The following THOC7 variants were observed in gnomAD, a reference collection of about 807,000 sequenced individuals.
THOC7 encodes THO complex subunit 7.
Under a neutral mutation model 33.1 loss-of-function variants are expected in THOC7, and 22 were observed. The ratio of observed to expected loss-of-function variants is 0.66; its 90% CI spans 0.47 to 0.95. THOC7 has a LOEUF of 0.95. Among genes scored for constraint, THOC7 ranks in the 40% least tolerant of loss-of-function variants. THOC7 has a pLI of 0.00. For synonymous variants in THOC7, 77 were observed against 76.8 expected (o/e 1.00, Z -0.01); for missense variants, 184 against 245.3 (o/e 0.75, Z 1.67).
chr3:63,859,458 G>A (rs1364316480), intron 1 of THOC7, among the ~76,000 whole-genome samples: 1 of 152,158 alleles, frequency 6.6e-6, no homozygotes, highest in Admixed American at 6.5e-5. Flanking sequence ...CCTCTAAAGG[G>A]TGCAGAGCTT....
At chr3:63,844,304 T>C (rs1266951516) in intron 1 of THOC7, among the ~76,000 whole-genome samples, 2 of 152,230 alleles carry the variant, frequency 1.3e-5, no homozygotes, top group East Asian at 1.9e-4. Flanking sequence ...AAGGTGACTA[T>C]AGTTAATGAT....
chr3:63,843,870 C>T (rs1701825676), intron 1 of THOC7, among the ~76,000 whole-genome samples: 1 of 151,492 alleles, frequency 6.6e-6, no homozygotes. Flanking sequence ...CACTGCACTC[C>T]AGCCTGGGCG....
intron 1 of THOC7, among the ~76,000 whole-genome samples, chr3:63,846,411 A>T (rs911813780): frequency 6.6e-6 from 1 of 151,902 alleles, no homozygotes; most frequent in Non-Finnish European, 1.5e-5. Flanking sequence ...TTATTTAAAA[A>T]TTTTTATTTT....
chr3:63,846,232 T>G (rs1245812287), intron 1 of THOC7: 1 of 451,090 alleles, frequency 2.2e-6, no homozygotes, highest in South Asian at 1.6e-5. Flanking sequence ...AAAAAGCAGT[T>G]AAACAGTTTC....
chr3:63,847,086 G>A (rs986179808), intron 1 of THOC7, among the ~76,000 whole-genome samples: 1 of 152,046 alleles, frequency 6.6e-6, no homozygotes, highest in East Asian at 1.9e-4. Flanking sequence ...TTGCGTAGGC[G>A]AATAGGAAGT....
chr3:63,836,272 T>G, intron 5 of THOC7, 29 bp downstream of exon 5: 1 of 1,605,422 alleles, frequency 6.2e-7, no homozygotes, highest in Non-Finnish European at 8.5e-7. Context: ...TAAAGGTTAG[T>G]TCCTTTCAAA....
intron 1 of THOC7, among the ~76,000 whole-genome samples, chr3:63,843,856 A>G (rs1055308949): frequency 2.6e-5 from 4 of 152,066 alleles, no homozygotes; most frequent in African/African-American, 7.2e-5. Context: ...AACCGAGATC[A>G]CGCCACTGCA....
At chr3:63,855,710 T>C (rs1489282142) in intron 1 of THOC7, among the ~76,000 whole-genome samples, 1 of 152,240 alleles carries the variant, frequency 6.6e-6, no homozygotes, top group African/African-American at 2.4e-5. Context: ...ATCATTGTTA[T>C]GTAACTCCTT....
chr3:63,839,822 A>G, intron 1 of THOC7, 49 bp from the exon 2 acceptor site: 1 of 1,465,678 alleles, frequency 6.8e-7, no homozygotes, highest in Non-Finnish European at 9.5e-7. Context: ...GTAACTTTCA[A>G]GTACAAATAA....
chr3:63,849,836 T>C (rs906744238), intron 1 of THOC7, among the ~76,000 whole-genome samples: 2 of 152,204 alleles, frequency 1.3e-5, no homozygotes, highest in African/African-American at 4.8e-5. Context: ...TTCTCTAATA[T>C]CTGGCTAAGA....
At chr3:63,846,483 C>T (rs1701899535) in intron 1 of THOC7, among the ~76,000 whole-genome samples, 2 of 152,154 alleles carry the variant, frequency 1.3e-5, no homozygotes, top group South Asian at 4.1e-4. Flanking sequence ...TCTTGGCTCA[C>T]CACAACCTTC....
At chr3:63,853,733 C>G (rs1000898147) in intron 1 of THOC7, among the ~76,000 whole-genome samples, 41 of 152,184 alleles carry the variant, frequency 2.7e-4, no homozygotes, top group Non-Finnish European at 8.8e-5. Flanking sequence ...GCGGTGAAAC[C>G]CTGTCTGTAC....
At chr3:63,836,422 T>C (rs1701636659) in intron 4 of THOC7, 64 bp from the exon 5 acceptor site, 30 of 1,488,936 alleles carry the variant, frequency 2.0e-5, no homozygotes, top group Non-Finnish European at 2.8e-5. Flanking sequence ...CAAAACAAAA[T>C]GTGTAATATC....
Position 63,834,151 on chromosome 3 carries a change from T to G in THOC7, c.596A>C (p.Glu199Ala), listed in dbSNP as rs763624919. ...EVEEAQEASM[E>A]TDPKP Reference sequence around the variant, plus strand: ...GCCTGTCTATGGCTTAGGATCTGTTTCCATGCTTGCTTCCTGAGCTTCTTC... The same window carrying G: ...GCCTGTCTATGGCTTAGGATCTGTTGCCATGCTTGCTTCCTGAGCTTCTTC... Residue 199 changes from glutamate (E) to alanine (A), a missense_variant, in exon 8 of 8, where the codon GAA (glutamate) becomes GCA (alanine). Around this residue, in one of 3 missense-constraint regions of THOC7, gnomAD observed 25 missense variants for 26.5 expected, o/e 0.94. Coordinates refer to ENST00000295899, the MANE Select transcript of THOC7 (RefSeq NM_025075.4). 6 of 1,614,126 alleles carry G rather than the reference T, an allele frequency of 3.7e-6. No individual in the cohort carries two copies. The South Asian group carries it at 5.5e-5, about 15-fold the overall frequency.
intron 1 of THOC7, among the ~76,000 whole-genome samples, chr3:63,852,678 T>C (rs1332033797): frequency 3.3e-5 from 5 of 152,178 alleles, no homozygotes; most frequent in Non-Finnish European, 7.3e-5. Context: ...ACTATACTTG[T>C]ACATCTTGCT....
Position 63,849,446 on chromosome 3 carries a change from T to C in THOC7, c.20-9673A>G, listed in dbSNP as rs566327973. On this transcript the variant is annotated intron_variant, in intron 1 of 7. Transcript: ENST00000295899. ...CAGCTTTATAGTGAATGAGTAAAGG[T>C]TGTCACTTCCTGGCAGGCCCATGAA... Among the ~76,000 whole-genome samples, 25 of 152,174 alleles carry C rather than the reference T, an allele frequency of 1.6e-4. No individual in the cohort carries two copies. The South Asian group carries it at 4.6e-3, about 28-fold the overall frequency.
intron 4 of THOC7, among the ~76,000 whole-genome samples, 171 bp from the exon 5 acceptor site, chr3:63,836,529 G>T (rs972973568): frequency 2.6e-5 from 4 of 151,822 alleles, no homozygotes; most frequent in African/African-American, 9.7e-5. Flanking sequence ...TAATTATAAC[G>T]ATACATAACA....
At chr3:63,854,158 G>T (rs1702068694) in intron 1 of THOC7, among the ~76,000 whole-genome samples, 1 of 152,114 alleles carries the variant, frequency 6.6e-6, no homozygotes, top group Admixed American at 6.5e-5. Flanking sequence ...AAGAATTATT[G>T]AAATAACATG....
chr3:63,852,850 G>C (rs927457249), intron 1 of THOC7, among the ~76,000 whole-genome samples: 2 of 152,074 alleles, frequency 1.3e-5, no homozygotes, highest in African/African-American at 2.4e-5. Flanking sequence ...AAAAAGGAGA[G>C]ATTAGAATCA....
Sources: gnomAD v4.1 joint callset for allele counts (sites outside exome capture counted in the v4.1 genomes callset) on GRCh38, gnomAD v4.1.1 for gene constraint, gnomAD v4.1.1 regional missense constraint, MANE v1.5 for transcripts, NCBI Gene and HGNC (gene_info 2026-07-23, HGNC 2026-07-21) for gene names.